The following MAP3K5 variants were observed in gnomAD, a reference collection of about 807,000 sequenced individuals.
The protein encoded by MAP3K5 is ASK-1.
In MAP3K5, 56 loss-of-function variants were observed where a neutral mutation model predicts 158.7. That is an observed-to-expected ratio of 0.35 (90% CI 0.28 to 0.44). The LOEUF (loss-of-function observed/expected upper bound fraction) is 0.44. Ranked by LOEUF, MAP3K5 falls within the 20% of genes least tolerant of loss-of-function variation. The pLI is 1.00. For synonymous variants in MAP3K5, 579 were observed against 601.7 expected (o/e 0.96, Z 0.55); for missense variants, 1,294 against 1,674.8 (o/e 0.77, Z 3.97).
At chr6:136,709,645 TCTTC>T (rs1229581797) in intron 2 of MAP3K5, among the ~76,000 whole-genome samples, 3 of 152,252 alleles carry the variant, frequency 2.0e-5, no homozygotes, top group African/African-American at 2.4e-5. Context: ...ATATGCTATA[TCTTC>T]CTTATGAATT....
At chr6:136,648,709 T>C (rs1018584872) in intron 11 of MAP3K5, among the ~76,000 whole-genome samples, 1 of 152,196 alleles carries the variant, frequency 6.6e-6, no homozygotes, top group Non-Finnish European at 1.5e-5. Flanking sequence ...CTAGAAACTA[T>C]AGCACCGGGA....
chr6:136,633,586 C>T (rs115543318), intron 14 of MAP3K5, among the ~76,000 whole-genome samples: 1,891 of 152,148 alleles, frequency 0.012, 44 homozygotes, highest in African/African-American at 0.043. Context: ...TTAGTAGATC[C>T]AGCTTGAATC....
chr6:136,631,000 G>A (rs1305041006), intron 14 of MAP3K5, among the ~76,000 whole-genome samples: 1 of 152,190 alleles, frequency 6.6e-6, no homozygotes, highest in African/African-American at 2.4e-5. Flanking sequence ...TCAGAAGGCT[G>A]AGGTGGGAGG....
intron 18 of MAP3K5, 147 bp downstream of exon 18, chr6:136,611,135 G>GA (rs1215632210): frequency 5.7e-4 from 85 of 148,632 alleles, no homozygotes; most frequent in African/African-American, 2.5e-3. Flanking sequence ...AAAAAAAAAA[G>GA]AAAGAAAAGA....
chr6:136,694,549 G>T (rs1228753260), intron 6 of MAP3K5, among the ~76,000 whole-genome samples: 2 of 152,198 alleles, frequency 1.3e-5, no homozygotes, highest in Non-Finnish European at 2.9e-5. Flanking sequence ...TAATAATGGT[G>T]ATGGATTTGT....
intron 7 of MAP3K5, among the ~76,000 whole-genome samples, chr6:136,689,400 A>C (rs1408195567): frequency 2.0e-5 from 3 of 152,194 alleles, no homozygotes; most frequent in African/African-American, 4.8e-5. Flanking sequence ...GTCCAGACCA[A>C]AGCTTCCCTA....
rs776582424 is a variant in MAP3K5, at chr6:136,579,112, T to C, written c.3517+1189A>G. ...ATAATATAGGTACAAATTAGTACAATAGAACATGTTTCTAATTTGTTTATA... is the reference window on the plus strand; with the variant it reads ...ATAATATAGGTACAAATTAGTACAACAGAACATGTTTCTAATTTGTTTATA... On this transcript the variant is annotated intron_variant, in intron 25 of 29. Transcript: ENST00000359015. 7.6e-4 allele frequency among the ~76,000 whole-genome samples: 116 copies of C among 152,260 alleles called. 1 individual carries two copies. Among genetic ancestry groups the C allele is most frequent in the Admixed American group, 2.0e-4 (3 of 15,296 alleles).
chr6:136,654,356 T>C (rs1562582977), intron 10 of MAP3K5, among the ~76,000 whole-genome samples: 1 of 152,240 alleles, frequency 6.6e-6, no homozygotes, highest in Non-Finnish European at 1.5e-5. Context: ...AAAAATAGTG[T>C]CTCACTTAAT....
At chr6:136,561,730 T>A in intron 27 of MAP3K5, 85 bp from the exon 28 acceptor site, 1 of 749,470 alleles carries the variant, frequency 1.3e-6, no homozygotes, top group South Asian at 1.5e-5. Flanking sequence ...CATTTATTGA[T>A]ACTTTAAAAG....
rs1304713880 is a variant in MAP3K5, at chr6:136,637,283, T to C, written c.2016+42A>G. On this transcript the variant is annotated intron_variant, in intron 14 of 29. Transcript: ENST00000359015. ...TCAGTAAGGCTTCAAATAGTTTGTT[T>C]TAAAATGAGCTCTAAATGTAAATGG... is the stretch of plus-strand genomic sequence containing the variant. The C allele has an allele frequency of 3.4e-6, 5 of 1,489,524 alleles. No individual in the cohort carries two copies. The African/African-American group carries it at 6.9e-5, about 21-fold the overall frequency. 92.3% of individuals were successfully genotyped at this position (1,489,524 alleles called of 1,614,324 possible). A position where few individuals can be genotyped will look rare whatever the true frequency, so the allele number is the denominator to read the frequency against.
At chr6:136,715,411 C>A (rs1781476475) in intron 2 of MAP3K5, among the ~76,000 whole-genome samples, 1 of 152,030 alleles carries the variant, frequency 6.6e-6, no homozygotes, top group South Asian at 2.1e-4. Context: ...CAAAAATTAG[C>A]ACTCATAATC....
intron 12 of MAP3K5, among the ~76,000 whole-genome samples, chr6:136,640,643 C>A (rs949207441): frequency 1.1e-4 from 16 of 152,204 alleles, no homozygotes; most frequent in Non-Finnish European, 2.1e-4. Flanking sequence ...GTCTGTTCCT[C>A]TCCCTGCTGG....
At chr6:136,620,755 G>A (rs6935345) in intron 15 of MAP3K5, among the ~76,000 whole-genome samples, 1,954 of 152,300 alleles carry the variant, frequency 0.013, 41 homozygotes, top group African/African-American at 0.045. Flanking sequence ...CTACAACTGC[G>A]TTGCACTAAT....
intron 26 of MAP3K5, 134 bp downstream of exon 26, chr6:136,567,497 T>C: frequency 1.1e-6 from 1 of 942,972 alleles, no homozygotes; most frequent in African/African-American, 1.7e-5. Flanking sequence ...TAAACTTCTC[T>C]TGTTTTATAA....
intron 25 of MAP3K5, among the ~76,000 whole-genome samples, chr6:136,576,307 C>T (rs1308848938): frequency 6.6e-6 from 1 of 151,856 alleles, no homozygotes; most frequent in Non-Finnish European, 1.5e-5. Flanking sequence ...CAAGGTGTTC[C>T]AGGTATTTAT....
At chr6:136,672,074 A>T (rs1170269775) in intron 7 of MAP3K5, among the ~76,000 whole-genome samples, 1 of 152,226 alleles carries the variant, frequency 6.6e-6, no homozygotes, top group African/African-American at 2.4e-5. Flanking sequence ...ATTTCCAATA[A>T]TACTATAAAG....
At chr6:136,583,818 CT>C in intron 23 of MAP3K5, 78 bp from the exon 24 acceptor site, 1 of 1,336,148 alleles carries the variant, frequency 7.5e-7, no homozygotes, top group South Asian at 1.4e-5. Flanking sequence ...TCCATACCCC[CT>C]GCCCCCACAT....
At chr6:136,671,465 G>C (rs1779479631) in intron 7 of MAP3K5, among the ~76,000 whole-genome samples, 1 of 152,178 alleles carries the variant, frequency 6.6e-6, no homozygotes, top group Admixed American at 6.5e-5. Context: ...GAGATTAAAA[G>C]AGCATGTAGG....
chr6:136,631,741 A>G (rs1431661735), intron 14 of MAP3K5, among the ~76,000 whole-genome samples: 1 of 152,176 alleles, frequency 6.6e-6, no homozygotes, highest in Non-Finnish European at 1.5e-5. Context: ...ATATTAAAAC[A>G]ACTCTGATTT....
Sources: allele counts gnomAD v4.1 joint callset (sites outside exome capture counted in the v4.1 genomes callset), GRCh38; gene constraint gnomAD v4.1.1; transcripts MANE v1.5; gene names NCBI Gene and HGNC (gene_info 2026-07-23, HGNC 2026-07-21).